CSMD1: variants seen among roughly 807,000 people sequenced by gnomAD.
The protein encoded by CSMD1 is CUB and sushi domain-containing protein 1.
CSMD1 carries 213 observed loss-of-function variants against 417.5 expected under a neutral mutation model. That is an observed-to-expected ratio of 0.51 (90% CI 0.46 to 0.57). CSMD1 has a LOEUF of 0.57. Among genes scored for constraint, CSMD1 ranks in the 20% least tolerant of loss-of-function variants. CSMD1 has a pLI of 0.00. For synonymous variants in CSMD1, 2,862 were observed against 1,736.8 expected, an observed-to-expected ratio of 1.65 and a Z score of -16.11; for missense variants, 6,923 against 4,529.7, an observed-to-expected ratio of 1.53 and a Z score of -15.17.
rs1288053309 is a variant in CSMD1, at chr8:3,018,420, A to AATCTATTTCT, written c.8029+47_8029+56dup. ...GAAGTCATATGTGTTACACAGCTGT[A>AATCTATTTCT]ATCTATTTCTAAGGTTTATCTGCAT... On this transcript the variant is annotated intron_variant, in intron 52 of 69. Coordinates refer to ENST00000635120, the MANE Select transcript of CSMD1 (RefSeq NM_033225.6). 21 of 1,520,830 alleles carry AATCTATTTCT rather than the reference A, an allele frequency of 1.4e-5. 1 individual carries two copies. In the East Asian group the frequency reaches 4.1e-4, roughly 30 times the overall value. The allele number at this position is 1,520,830 out of a possible 1,614,324, so 94.2% of individuals were successfully genotyped here. A position where few individuals can be genotyped will look rare whatever the true frequency, so the allele number is the denominator to read the frequency against.
chr8:3,754,073 C>CT (rs760782728), intron 5 of CSMD1, 31 bp from the exon 6 acceptor site: 9 of 1,470,018 alleles, frequency 6.1e-6, no homozygotes, highest in Non-Finnish European at 6.6e-6. Context: ...AAAAATCTCC[C>CT]TTGTAAACCA....
chr8:4,535,465 A>C (rs1219573196), intron 2 of CSMD1, among the ~76,000 whole-genome samples: 1 of 152,114 alleles, frequency 6.6e-6, no homozygotes, highest in African/African-American at 2.4e-5. Context: ...TATAAACTTA[A>C]AGATTTTGAT....
At chr8:3,013,181 T>C (rs935449454) in intron 52 of CSMD1, among the ~76,000 whole-genome samples, 1 of 152,188 alleles carries the variant, frequency 6.6e-6, no homozygotes, top group African/African-American at 2.4e-5. Flanking sequence ...TGAATGGAAG[T>C]ATGCACATAT....
At chr8:3,103,648 C>A (rs1035553037) in intron 46 of CSMD1, among the ~76,000 whole-genome samples, 4 of 151,970 alleles carry the variant, frequency 2.6e-5, no homozygotes, top group African/African-American at 4.8e-5. Context: ...TCATGCAGTG[C>A]GTGATTATTC....
intron 54 of CSMD1, among the ~76,000 whole-genome samples, chr8:2,981,811 A>G (rs1017832262): frequency 2.0e-5 from 3 of 152,194 alleles, no homozygotes; most frequent in African/African-American, 7.2e-5. Context: ...TCACAATGAC[A>G]ATTGAACTAG....
chr8:3,915,023 G>C (rs1376866759), intron 5 of CSMD1, among the ~76,000 whole-genome samples: 1 of 152,126 alleles, frequency 6.6e-6, no homozygotes, highest in Non-Finnish European at 1.5e-5. Flanking sequence ...AGGATGAGGA[G>C]ATTCTACAAA....
chr8:3,261,628 AC>A (rs1563198766), intron 26 of CSMD1, among the ~76,000 whole-genome samples: 1 of 152,150 alleles, frequency 6.6e-6, no homozygotes, highest in Non-Finnish European at 1.5e-5. Flanking sequence ...GATTAAACCA[AC>A]TGCTGCCTCC....
chr8:3,890,551 G>C (rs1222211107), intron 5 of CSMD1, among the ~76,000 whole-genome samples: 2 of 152,004 alleles, frequency 1.3e-5, no homozygotes, highest in Admixed American at 6.6e-5. Context: ...TCTCTCAAAG[G>C]ACAAAATAAT....
intron 5 of CSMD1, among the ~76,000 whole-genome samples, chr8:3,787,877 T>C (rs184619163): frequency 6.6e-6 from 1 of 152,344 alleles, no homozygotes; most frequent in African/African-American, 2.4e-5. Flanking sequence ...AGTATAAGTA[T>C]GAGAGAGTGT....
chr8:3,664,546 G>A (rs1321402033), intron 7 of CSMD1, among the ~76,000 whole-genome samples: 1 of 152,206 alleles, frequency 6.6e-6, no homozygotes, highest in Non-Finnish European at 1.5e-5. Context: ...AAGAGCGTGA[G>A]TGTTTCCTCA....
At chr8:4,053,429 T>C (rs1007348947) in intron 3 of CSMD1, among the ~76,000 whole-genome samples, 2 of 152,054 alleles carry the variant, frequency 1.3e-5, no homozygotes, top group African/African-American at 4.8e-5. Context: ...CCACCTGCTT[T>C]TTATCATGGT....
chr8:3,910,891 A>T (rs1808414407), intron 5 of CSMD1, among the ~76,000 whole-genome samples: 1 of 151,924 alleles, frequency 6.6e-6, no homozygotes, highest in South Asian at 2.1e-4. Flanking sequence ...CTGGAAAAAT[A>T]AGTGCTTCCT....
chr8:3,078,794 G>T (rs1021234931), intron 49 of CSMD1, among the ~76,000 whole-genome samples: 5 of 152,120 alleles, frequency 3.3e-5, no homozygotes, highest in African/African-American at 1.2e-4. Context: ...AAACACTGCT[G>T]CCTTGACATT....
At chr8:3,012,515 T>C (rs1379553753) in intron 52 of CSMD1, among the ~76,000 whole-genome samples, 1 of 152,152 alleles carries the variant, frequency 6.6e-6, no homozygotes, top group Non-Finnish European at 1.5e-5. Flanking sequence ...GGAAACAGTA[T>C]TCTTTCTAGT....
intron 3 of CSMD1, among the ~76,000 whole-genome samples, chr8:4,203,044 G>A (rs1174215183): frequency 2.0e-5 from 3 of 152,184 alleles, no homozygotes; most frequent in African/African-American, 4.8e-5. Context: ...GAGAGGATTT[G>A]ACAGGTGTGA....
chr8:3,892,223 T>G (rs888251071), intron 5 of CSMD1, among the ~76,000 whole-genome samples: 1 of 152,146 alleles, frequency 6.6e-6, no homozygotes, highest in African/African-American at 2.4e-5. Context: ...TAAATTAAAG[T>G]GCTGAGGTCA....
intron 5 of CSMD1, among the ~76,000 whole-genome samples, chr8:3,866,103 A>T (rs1400056171): frequency 6.6e-6 from 1 of 152,176 alleles, no homozygotes; most frequent in Admixed American, 6.5e-5. Context: ...CCAAATAAGG[A>T]TTACATTATT....
chr8:4,597,368 G>C (rs758404640), intron 2 of CSMD1, among the ~76,000 whole-genome samples: 1 of 152,066 alleles, frequency 6.6e-6, no homozygotes, highest in African/African-American at 2.4e-5. Context: ...CAGACCTAAA[G>C]TAGTGTGAGG....
At position 4,823,989 on chromosome 8, in the gene CSMD1, C is replaced by A. The variant is rs568975195; in HGVS notation, c.85+170343G>T. ...ACATACACACCCACGCATGGACACA[C>A]ACATATACAATCATGGACACACACA... On this transcript the variant is annotated intron_variant, in intron 1 of 69. Transcript: ENST00000635120. Among the ~76,000 whole-genome samples the A allele has an allele frequency of 4.6e-5, 7 of 151,900 alleles. No homozygotes were observed. The East Asian group carries it at 1.4e-3, about 29-fold the overall frequency.
Sources: allele counts gnomAD v4.1 joint callset (sites outside exome capture counted in the v4.1 genomes callset), GRCh38; gene constraint gnomAD v4.1.1; transcripts MANE v1.5; gene names NCBI Gene and HGNC (gene_info 2026-07-23, HGNC 2026-07-21).